Variants in ERC2 observed in about 807,000 individuals in gnomAD.
The protein encoded by ERC2 is ERC protein 2.
In ERC2, 42 loss-of-function variants were observed where a neutral mutation model predicts 114.8. The ratio of observed to expected loss-of-function variants is 0.37; its 90% CI spans 0.29 to 0.47. The LOEUF (loss-of-function observed/expected upper bound fraction) is 0.47, where lower values mean the gene tolerates loss of function less well. ERC2 is among the 20% of genes least tolerant of loss of function. ERC2 has a pLI of 0.99. For missense variants in ERC2, 939 were observed against 1,150.7 expected, an observed-to-expected ratio of 0.82 and a Z score of 2.66; for synonymous variants, 454 against 425.5, an observed-to-expected ratio of 1.07 and a Z score of -0.82.
chr3:55,531,839 A>T (rs2053687361), intron 17 of ERC2, among the ~76,000 whole-genome samples: 2 of 152,146 alleles, frequency 1.3e-5, no homozygotes, highest in African/African-American at 4.8e-5. Flanking sequence ...TCCCACCTCA[A>T]CATATTTGAA....
At chr3:56,186,724 A>G (rs1001680086) in intron 3 of ERC2, among the ~76,000 whole-genome samples, 3 of 152,062 alleles carry the variant, frequency 2.0e-5, no homozygotes, top group Non-Finnish European at 4.4e-5. Context: ...TTTTTAATAG[A>G]GACAGGGTTT....
chr3:55,582,852 C>T (rs1036866763), intron 17 of ERC2, among the ~76,000 whole-genome samples: 3 of 152,230 alleles, frequency 2.0e-5, no homozygotes, highest in African/African-American at 7.2e-5. Flanking sequence ...ACATGATCAA[C>T]TCAATGTACT....
chr3:55,512,080 C>T (rs2052114039), intron 17 of ERC2, among the ~76,000 whole-genome samples: 1 of 152,194 alleles, frequency 6.6e-6, no homozygotes, highest in Non-Finnish European at 1.5e-5. Context: ...CAAACATACA[C>T]ACACACACTC....
At chr3:55,955,332 G>A (rs1052882530) in intron 12 of ERC2, among the ~76,000 whole-genome samples, 1 of 151,780 alleles carries the variant, frequency 6.6e-6, no homozygotes, top group African/African-American at 2.4e-5. Flanking sequence ...CAAATATTAA[G>A]TGTACAAGTC....
intron 14 of ERC2, among the ~76,000 whole-genome samples, chr3:55,847,847 G>A (rs2061428153): frequency 6.6e-6 from 1 of 152,150 alleles, no homozygotes; most frequent in African/African-American, 2.4e-5. Flanking sequence ...AGCACAGGCT[G>A]GAGTGCGGTG....
chr3:56,007,366 C>T, intron 9 of ERC2, 45 bp from the exon 10 acceptor site: 8 of 1,526,406 alleles, frequency 5.2e-6, no homozygotes, highest in Non-Finnish European at 6.2e-6. Context: ...GAAATTTCTA[C>T]TAGCAATGCC....
intron 14 of ERC2, among the ~76,000 whole-genome samples, chr3:55,770,443 A>T (rs778505023): frequency 1.3e-5 from 2 of 152,214 alleles, no homozygotes; most frequent in Middle Eastern, 3.2e-3. Flanking sequence ...AATTGGTAAC[A>T]TCAGAGCTGT....
At chr3:55,743,157 T>C (rs890775049) in intron 14 of ERC2, among the ~76,000 whole-genome samples, 1 of 152,192 alleles carries the variant, frequency 6.6e-6, no homozygotes, top group Non-Finnish European at 1.5e-5. Context: ...TGGAATTTCC[T>C]AACACGGGGG....
chr3:55,603,301 C>T (rs2058490636), intron 17 of ERC2, among the ~76,000 whole-genome samples: 1 of 152,132 alleles, frequency 6.6e-6, no homozygotes, highest in Non-Finnish European at 1.5e-5. Flanking sequence ...AGTCCAAAAA[C>T]CATTGCCCTT....
intron 14 of ERC2, among the ~76,000 whole-genome samples, chr3:55,845,981 T>C (rs1372400163): frequency 1.3e-5 from 2 of 152,260 alleles, no homozygotes; most frequent in African/African-American, 2.4e-5. Flanking sequence ...CTTACAAGGA[T>C]TGATATTATA....
chr3:55,734,951 G>A, intron 14 of ERC2, 33 bp from the exon 15 acceptor site: 2 of 1,469,934 alleles, frequency 1.4e-6, no homozygotes, highest in Non-Finnish European at 1.8e-6. Context: ...GATCATTTTT[G>A]TAAAATAAAA....
chr3:56,297,604 A>G (rs1295286169), intron 2 of ERC2, among the ~76,000 whole-genome samples: 1 of 152,254 alleles, frequency 6.6e-6, no homozygotes, highest in Non-Finnish European at 1.5e-5. Context: ...AGGCATTTCT[A>G]TCCCTATGGA....
intron 15 of ERC2, among the ~76,000 whole-genome samples, chr3:55,701,051 C>A (rs1341202930): frequency 6.6e-6 from 1 of 152,068 alleles, no homozygotes; most frequent in Non-Finnish European, 1.5e-5. Context: ...GACAATGAAC[C>A]AACAATACTT....
chr3:56,195,799 C>T (rs986837227), intron 3 of ERC2, among the ~76,000 whole-genome samples: 2 of 151,964 alleles, frequency 1.3e-5, no homozygotes, highest in African/African-American at 4.8e-5. Flanking sequence ...TGCATCCCAG[C>T]CTGGGTGACA....
intron 4 of ERC2, among the ~76,000 whole-genome samples, chr3:56,159,094 A>C (rs1018026977): frequency 2.6e-5 from 4 of 151,716 alleles, no homozygotes; most frequent in Non-Finnish European, 5.9e-5. Context: ...GCACCCCCCC[A>C]CCCCACCTGT....
intron 5 of ERC2, among the ~76,000 whole-genome samples, chr3:56,144,143 G>GTA (rs908154477): frequency 1.3e-5 from 2 of 152,152 alleles, no homozygotes; most frequent in African/African-American, 4.8e-5. Context: ...TGTGCCCCAG[G>GTA]TATATGTGAG....
At chr3:56,053,809 G>GT (rs2075881107) in intron 7 of ERC2, among the ~76,000 whole-genome samples, 2 of 151,422 alleles carry the variant, frequency 1.3e-5, no homozygotes, top group South Asian at 4.2e-4. Flanking sequence ...TTTTTTTTAA[G>GT]TAAAACCTTA....
At chr3:56,355,326 CT>C (rs11329878) in intron 2 of ERC2, among the ~76,000 whole-genome samples, 32,462 of 140,622 alleles carry the variant, frequency 0.23, 3,863 homozygotes, top group Non-Finnish European at 0.29. Context: ...TTTTTTCTTT[CT>C]TTTTTTTTTT....
chr3:56,148,747 A>G (rs949439605), intron 5 of ERC2, among the ~76,000 whole-genome samples: 16 of 152,184 alleles, frequency 1.1e-4, no homozygotes, highest in African/African-American at 3.6e-4. Flanking sequence ...AGGAACTCCT[A>G]ATTAAAGCCT....
Sources: gnomAD v4.1 joint callset for allele counts (sites outside exome capture counted in the v4.1 genomes callset) on GRCh38, gnomAD v4.1.1 for gene constraint, MANE v1.5 for transcripts, NCBI Gene and HGNC (gene_info 2026-07-23, HGNC 2026-07-21) for gene names.